The following RTL4 variants were observed in gnomAD, a reference collection of about 807,000 sequenced individuals.
RTL4 encodes the protein retrotransposon Gag like 4, also known as retrotransposon Gag-like protein 4.
A neutral mutation model predicts 5.3 loss-of-function variants in RTL4; 4 were observed. The ratio of observed to expected loss-of-function variants is 0.75; its 90% CI spans 0.37 to 1.72. The LOEUF (loss-of-function observed/expected upper bound fraction) is 1.72, where lower values mean the gene tolerates loss of function less well. Among genes scored for constraint, RTL4 ranks in the 40% most tolerant of loss-of-function variants. The pLI is 0.04. For missense variants in RTL4, 260 were observed against 227.1 expected (o/e 1.14, Z -0.93); for synonymous variants, 98 against 87.3 (o/e 1.12, Z -0.68).
chrX:112,386,420 T>A, the RTL4 span, among the ~76,000 whole-genome samples: 2 of 111,315 alleles, frequency 1.8e-5, no homozygotes, highest in Non-Finnish European at 3.8e-5. Context: ...GTAAGTTTGT[T>A]AGTGATGATT....
chrX:112,238,765 C>G, the RTL4 span, among the ~76,000 whole-genome samples: 1 of 111,179 alleles, frequency 9.0e-6, no homozygotes, highest in Non-Finnish European at 1.9e-5. Context: ...CAGGCACAGA[C>G]AAAAAGCTCC....
At chrX:112,235,982 G>A in the RTL4 span, among the ~76,000 whole-genome samples, 1 of 111,444 alleles carries the variant, frequency 9.0e-6, no homozygotes, top group African/African-American at 3.3e-5. Flanking sequence ...TGTATCCCAG[G>A]TGGTACCAAA....
the RTL4 span, among the ~76,000 whole-genome samples, chrX:112,436,332 T>A: frequency 0.013 from 1,411 of 111,246 alleles, 13 homozygotes; most frequent in South Asian, 0.027. Flanking sequence ...AAAGTGGAGT[T>A]GAATGGGTAG....
chrX:112,203,881 A>G, the RTL4 span, among the ~76,000 whole-genome samples: 114 of 112,584 alleles, frequency 1.0e-3, no homozygotes, highest in African/African-American at 3.5e-3. Flanking sequence ...GAATCTCCCA[A>G]TCCATAAATG....
At chrX:112,315,563 C>T in the RTL4 span, among the ~76,000 whole-genome samples, 1 of 111,897 alleles carries the variant, frequency 8.9e-6, no homozygotes, top group Non-Finnish European at 1.9e-5. Flanking sequence ...GCCTCCACTC[C>T]CTTTCCCATT....
At chrX:112,306,515 A>G in the RTL4 span, among the ~76,000 whole-genome samples, 1 of 111,779 alleles carries the variant, frequency 8.9e-6, no homozygotes, top group African/African-American at 3.2e-5. Context: ...GCCCGAGGTC[A>G]CACAGGTAAC....
the RTL4 span, among the ~76,000 whole-genome samples, chrX:112,108,127 A>G: frequency 2.7e-5 from 3 of 110,860 alleles, no homozygotes; most frequent in African/African-American, 9.8e-5. Flanking sequence ...CATTCATTGT[A>G]CTTTGCAGCT....
the RTL4 span, among the ~76,000 whole-genome samples, chrX:112,215,525 C>T: frequency 8.9e-6 from 1 of 112,068 alleles, no homozygotes; most frequent in African/African-American, 3.2e-5. Context: ...CTAGATATTT[C>T]ATATAAGTGG....
At chrX:112,258,092 T>C in the RTL4 span, among the ~76,000 whole-genome samples, 2 of 110,316 alleles carry the variant, frequency 1.8e-5, no homozygotes, top group East Asian at 5.7e-4. Flanking sequence ...TCTGTTTCTC[T>C]ATGGCTCAGC....
At chrX:112,188,505 G>A in the RTL4 span, among the ~76,000 whole-genome samples, 34 of 111,774 alleles carry the variant, frequency 3.0e-4, no homozygotes, top group African/African-American at 1.0e-3. Context: ...AGGAAAGTCT[G>A]GAAACTTTGA....
At chrX:112,203,707 T>C in the RTL4 span, among the ~76,000 whole-genome samples, 2 of 111,858 alleles carry the variant, frequency 1.8e-5, no homozygotes, top group Non-Finnish European at 3.8e-5. Flanking sequence ...TCCCACTTTA[T>C]TCTTCTTTGT....
chrX:112,234,213 AT>A, the RTL4 span, among the ~76,000 whole-genome samples: 1 of 111,056 alleles, frequency 9.0e-6, no homozygotes, highest in East Asian at 2.8e-4. Context: ...ATTAAATTAA[AT>A]TAAAAAATAA....
chrX:112,170,836 C>A, the RTL4 span, among the ~76,000 whole-genome samples: 187 of 111,452 alleles, frequency 1.7e-3, no homozygotes, highest in African/African-American at 5.6e-3. Flanking sequence ...CTTTTCAAGG[C>A]GTATGCTTCC....
chrX:112,334,875 C>T, the RTL4 span, among the ~76,000 whole-genome samples: 1 of 111,213 alleles, frequency 9.0e-6, no homozygotes, highest in Non-Finnish European at 1.9e-5. Flanking sequence ...TTAGTCGTTT[C>T]CCTGGGGATT....
the RTL4 span, among the ~76,000 whole-genome samples, chrX:112,327,604 T>G: frequency 1.8e-5 from 2 of 109,508 alleles, no homozygotes; most frequent in African/African-American, 6.7e-5. Flanking sequence ...CCAGGAGAAC[T>G]TCCCCAATCT....
At chrX:112,294,614 CCAAAA>C in the RTL4 span, among the ~76,000 whole-genome samples, 1 of 111,170 alleles carries the variant, frequency 9.0e-6, no homozygotes, top group Non-Finnish European at 1.9e-5. Flanking sequence ...ACAAACCAAA[CCAAAA>C]CAAAACAAAA....
the RTL4 span, among the ~76,000 whole-genome samples, chrX:112,324,230 G>T: frequency 8.9e-6 from 1 of 112,407 alleles, no homozygotes; most frequent in Non-Finnish European, 1.9e-5. Flanking sequence ...TGTTTTCAAG[G>T]TCCATCCATG....
the RTL4 span, among the ~76,000 whole-genome samples, chrX:112,332,860 C>A: frequency 9.0e-6 from 1 of 111,275 alleles, no homozygotes; most frequent in Admixed American, 9.6e-5. Context: ...GTATTAAAAT[C>A]TCCAACTATT....
At chrX:112,105,458 A>AATTT in the RTL4 span, among the ~76,000 whole-genome samples, 1 of 111,140 alleles carries the variant, frequency 9.0e-6, no homozygotes, top group Non-Finnish European at 1.9e-5. Context: ...AATTGCATTG[A>AATTT]ATTTATGGAT....
Sources: gnomAD v4.1 joint callset for allele counts (sites outside exome capture counted in the v4.1 genomes callset) on GRCh38, gnomAD v4.1.1 for gene constraint, MANE v1.5 for transcripts, NCBI Gene and HGNC (gene_info 2026-07-23, HGNC 2026-07-21) for gene names.